Variants in SH3KBP1 observed in about 807,000 individuals in gnomAD.
SH3KBP1 encodes SH3 domain-containing kinase-binding protein 1.
In SH3KBP1, 8 loss-of-function variants were observed where a neutral mutation model predicts 50.1. The observed-to-expected ratio is 0.16, with a 90% CI of 0.09 to 0.29. SH3KBP1 has a LOEUF of 0.29. SH3KBP1 is among the 10% of genes least tolerant of loss of function. The pLI is 1.00. For synonymous variants in SH3KBP1, 227 were observed against 218.6 expected, an observed-to-expected ratio of 1.04 and a Z score of -0.34; for missense variants, 377 against 535.2, an observed-to-expected ratio of 0.70 and a Z score of 2.92.
intron 2 of SH3KBP1, among the ~76,000 whole-genome samples, chrX:19,760,987 A>G: frequency 9.3e-6 from 1 of 107,403 alleles, no homozygotes. Context: ...CATTCCATCA[A>G]GTCAAATGAG....
chrX:19,625,343 GC>G (rs1460282874), intron 8 of SH3KBP1, among the ~76,000 whole-genome samples: 1 of 106,698 alleles, frequency 9.4e-6, no homozygotes, highest in South Asian at 3.9e-4. Flanking sequence ...ATTTTTTTTT[GC>G]CCCCCGACAG....
intron 13 of SH3KBP1, among the ~76,000 whole-genome samples, chrX:19,555,686 G>T (rs1205025135): frequency 4.5e-5 from 5 of 111,844 alleles, no homozygotes; most frequent in Non-Finnish European, 9.4e-5. Flanking sequence ...GATTATTAAG[G>T]CCGCTGAATT....
intron 3 of SH3KBP1, among the ~76,000 whole-genome samples, chrX:19,744,570 C>T: frequency 8.9e-6 from 1 of 111,908 alleles, no homozygotes; most frequent in Non-Finnish European, 1.9e-5. Context: ...TACAGAATGC[C>T]TCCATGTACT....
At chrX:19,602,541 C>T (rs1056220658) in intron 9 of SH3KBP1, among the ~76,000 whole-genome samples, 2 of 112,198 alleles carry the variant, frequency 1.8e-5, no homozygotes, top group Non-Finnish European at 3.8e-5. Flanking sequence ...ACCCATGAAA[C>T]TAAATGTTCA....
At chrX:19,672,471 A>T (rs1305354132) in intron 6 of SH3KBP1, among the ~76,000 whole-genome samples, 1 of 111,910 alleles carries the variant, frequency 8.9e-6, no homozygotes, top group Non-Finnish European at 1.9e-5. Context: ...CTATAGCGAT[A>T]AGTATGGAAT....
At chrX:19,570,609 T>TACTCCAAACTCC (rs1804985278) in intron 12 of SH3KBP1, among the ~76,000 whole-genome samples, 1 of 111,351 alleles carries the variant, frequency 9.0e-6, no homozygotes, top group African/African-American at 3.3e-5. Context: ...GTGCTGTGGG[T>TACTCCAAACTCC]AAACTCCAAA....
intron 2 of SH3KBP1, among the ~76,000 whole-genome samples, chrX:19,764,241 A>C (rs963123881): frequency 6.3e-5 from 7 of 110,782 alleles, no homozygotes; most frequent in Admixed American, 5.8e-4. Flanking sequence ...GAAGCATTTC[A>C]GAGTGGGAAA....
At position 19,817,278 on chromosome X, in the gene SH3KBP1, T is replaced by C. The variant is rs1603262200; in HGVS notation, c.162+18847A>G. Among the ~76,000 whole-genome samples, 3 of 112,213 alleles carry C rather than the reference T, an allele frequency of 2.7e-5. No individual in the cohort carries two copies. The East Asian group carries it at 8.3e-4, about 31-fold the overall frequency. On this transcript the variant is annotated intron_variant, in intron 2 of 17. Coordinates refer to ENST00000397821, the MANE Select transcript of SH3KBP1 (RefSeq NM_031892.3). ...CTATTGTAGTTCTCCTGATTTCTTTTATAAATCTTAAAATAAACTAGTCTA... is the reference window on the plus strand; with the variant it reads ...CTATTGTAGTTCTCCTGATTTCTTTCATAAATCTTAAAATAAACTAGTCTA...
intron 2 of SH3KBP1, among the ~76,000 whole-genome samples, chrX:19,821,673 C>T (rs976599883): frequency 6.3e-5 from 7 of 110,293 alleles, no homozygotes; most frequent in African/African-American, 2.0e-4. Flanking sequence ...GGACTACAGG[C>T]GGCCGCCACT....
chrX:19,874,064 A>ATAT (rs1156304486), intron 1 of SH3KBP1, among the ~76,000 whole-genome samples: 15 of 84,510 alleles, frequency 1.8e-4, no homozygotes, highest in African/African-American at 7.7e-4. Flanking sequence ...AAAAAAAAAA[A>ATAT]AAAAATATAT....
At chrX:19,657,357 G>A (rs1179080221) in intron 6 of SH3KBP1, among the ~76,000 whole-genome samples, 1 of 99,452 alleles carries the variant, frequency 1.0e-5, no homozygotes, top group Non-Finnish European at 2.0e-5. Flanking sequence ...TCCAGCCTGG[G>A]TGACAGAGCA....
intron 1 of SH3KBP1, among the ~76,000 whole-genome samples, chrX:19,853,960 T>A (rs760564037): frequency 9.6e-6 from 1 of 104,002 alleles, no homozygotes; most frequent in African/African-American, 3.5e-5. Context: ...CGAAACTCCA[T>A]CTAAAAAAAA....
At chrX:19,569,037 G>T in intron 13 of SH3KBP1, 66 bp downstream of exon 13, 2 of 984,166 alleles carry the variant, frequency 2.0e-6, no homozygotes, top group Non-Finnish European at 2.9e-6. Flanking sequence ...CTGGTTGAAG[G>T]CAAGCCAGGC....
intron 2 of SH3KBP1, among the ~76,000 whole-genome samples, chrX:19,833,795 C>A (rs1246581297): frequency 8.9e-6 from 1 of 111,852 alleles, no homozygotes; most frequent in Non-Finnish European, 1.9e-5. Flanking sequence ...CTAACCACTG[C>A]CCCTTTTATC....
intron 1 of SH3KBP1, among the ~76,000 whole-genome samples, chrX:19,860,457 A>C (rs2068752343): frequency 9.0e-6 from 1 of 110,823 alleles, no homozygotes; most frequent in South Asian, 3.8e-4. Context: ...ATTACCAGGG[A>C]CTGGGGGGAG....
intron 1 of SH3KBP1, among the ~76,000 whole-genome samples, chrX:19,849,378 G>A (rs2068443316): frequency 9.0e-6 from 1 of 110,987 alleles, no homozygotes; most frequent in Non-Finnish European, 1.9e-5. Flanking sequence ...AAAAAGAGAT[G>A]GCAGAACCTA....
chrX:19,587,112 C>T (rs2066592696), intron 12 of SH3KBP1, among the ~76,000 whole-genome samples: 2 of 108,786 alleles, frequency 1.8e-5, no homozygotes, highest in South Asian at 8.0e-4. Flanking sequence ...GTCCCAGCTA[C>T]TCGGGAGGCT....
At chrX:19,851,188 C>T (rs2068499075) in intron 1 of SH3KBP1, among the ~76,000 whole-genome samples, 1 of 112,147 alleles carries the variant, frequency 8.9e-6, no homozygotes, top group Admixed American at 9.4e-5. Context: ...AGACCTCAAG[C>T]CTGACAAGGC....
chrX:19,572,306 G>C (rs1039771347), intron 12 of SH3KBP1, among the ~76,000 whole-genome samples: 27 of 104,139 alleles, frequency 2.6e-4, no homozygotes, highest in Non-Finnish European at 4.1e-4. Context: ...GTTATATATA[G>C]TACATATGTT....
Sources: gnomAD v4.1 joint callset for allele counts (sites outside exome capture counted in the v4.1 genomes callset) on GRCh38, gnomAD v4.1.1 for gene constraint, MANE v1.5 for transcripts, NCBI Gene and HGNC (gene_info 2026-07-23, HGNC 2026-07-21) for gene names.